KHK: variants seen among roughly 807,000 people sequenced by gnomAD.
The protein encoded by KHK is fructokinase.
In KHK, 37 loss-of-function variants were observed where a neutral mutation model predicts 36.0. The observed-to-expected ratio is 1.03, with a 90% CI of 0.79 to 1.35. The LOEUF (loss-of-function observed/expected upper bound fraction) is 1.35. Ranked by LOEUF, KHK falls within the 40% of genes most tolerant of loss-of-function variation. The pLI is 0.00. For missense variants in KHK, 395 were observed against 391.9 expected, an observed-to-expected ratio of 1.01 and a Z score of -0.07; for synonymous variants, 161 against 162.8, an observed-to-expected ratio of 0.99 and a Z score of 0.08.
chr2:27,091,699 G>A (rs191255912), intron 1 of KHK, among the ~76,000 whole-genome samples: 1 of 152,300 alleles, frequency 6.6e-6, no homozygotes, highest in Admixed American at 6.5e-5. Context: ...TTTTGCTGCT[G>A]ATGACAATGA....
At position 27,097,662 on chromosome 2, in the gene KHK, T is replaced by A. The variant is rs372208764; in HGVS notation, c.564+13T>A. On this transcript the variant is annotated intron_variant, in intron 5 of 7. Coordinates refer to ENST00000260598, the MANE Select transcript of KHK (RefSeq NM_006488.3). Reference sequence around the variant, plus strand: ...CTACGGAGACGTGGTGGGTGCCCCATTCAGCCTCTCTTTGCCACTTCCAGC... The same window carrying A: ...CTACGGAGACGTGGTGGGTGCCCCAATCAGCCTCTCTTTGCCACTTCCAGC... 6.2e-7 allele frequency: 1 copy of A among 1,613,760 alleles called. No individual in the cohort carries two copies. The highest frequency in any genetic ancestry group is 1.1e-5 in the South Asian group (1 of 91,090).
rs751726377 is a variant in KHK, at chr2:27,099,693, C to T, written c.840C>T (p.Phe280=). 8.7e-6 allele frequency: 14 copies of T among 1,613,996 alleles called. No homozygotes were observed. Among genetic ancestry groups the T allele is most frequent in the Middle Eastern group, 1.6e-4 (1 of 6,082 alleles). The change falls in exon 8 of 8, where the codon TTC becomes TTT. Residue 280 remains phenylalanine (F), a synonymous_variant. Coordinates refer to ENST00000260598, the MANE Select transcript of KHK (RefSeq NM_006488.3). ...QGRSVQEALR[F]GCQVAGKKCG... ...GGAGCGTGCAGGAAGCACTGAGATT[C>T]GGGTGCCAGGTGGCCGGCAAGAAGT...
At position 27,097,547 on chromosome 2, in the gene KHK, C is replaced by A; in HGVS notation, c.462C>A (p.Asp154Glu). Residue 154 changes from aspartate (D) to glutamate (E), a missense_variant, in exon 5 of 8, where the codon GAC becomes GAA. Transcript: ENST00000260598. ...AGGTGAAGATGCTGCAGCGGATAGA[C>A]GCACACAACACCAGGCAGCCTCCAG... ...SEQVKMLQRI[D>E]AHNTRQPPEQ... 1 of 1,613,976 alleles carries A rather than the reference C, an allele frequency of 6.2e-7. No individual in the cohort carries two copies.
At chr2:27,097,705 G>T in intron 5 of KHK, 56 bp downstream of exon 5, 1 of 1,610,476 alleles carries the variant, frequency 6.2e-7, no homozygotes, top group East Asian at 2.2e-5. Context: ...GTTCTTAAAG[G>T]GAGCCAGAAT....
rs548115211 is a variant in KHK at position 27,094,928 on chromosome 2, A to C, written c.338A>C (p.His113Pro). ...AATGGCAACCGTACCATTGTGCTCC[A>C]TGACACGTAAGGCCCCCGGGCCTCG... ...NSNGNRTIVL[H>P]DTSLPDVSAT... Residue 113 changes from histidine (H) to proline (P), a missense_variant, in exon 3 of 8, where the codon CAT becomes CCT. Physicochemically the swap from His to Pro is moderately conservative, Grantham distance 77. Coordinates refer to ENST00000260598, the MANE Select transcript of KHK (RefSeq NM_006488.3). 5.2e-5 allele frequency: 84 copies of C among 1,613,902 alleles called. No homozygotes were observed. In the South Asian group the frequency reaches 8.8e-4, roughly 17 times the overall value.
At chr2:27,091,308 C>T (rs545984094) in intron 1 of KHK, among the ~76,000 whole-genome samples, 2 of 151,614 alleles carry the variant, frequency 1.3e-5, no homozygotes, top group South Asian at 4.2e-4. Flanking sequence ...AGGCTGGTCT[C>T]GAACTTCTGG....
At chr2:27,096,643 G>A in intron 3 of KHK, 86 bp from the exon 4 acceptor site, 1 of 1,037,494 alleles carries the variant, frequency 9.6e-7, no homozygotes, top group Non-Finnish European at 1.5e-6. Context: ...TGCAGGCACA[G>A]GGTCCACAGC....
intron 4 of KHK, among the ~76,000 whole-genome samples, 174 bp from the exon 5 acceptor site, chr2:27,097,329 G>A (rs918902324): frequency 1.3e-5 from 2 of 152,202 alleles, no homozygotes; most frequent in Non-Finnish European, 2.9e-5. Context: ...GTAGCTGGTT[G>A]ATAAGGTCTT....
intron 3 of KHK, among the ~76,000 whole-genome samples, chr2:27,096,200 C>A (rs114101122): frequency 2.6e-5 from 4 of 152,210 alleles, no homozygotes; most frequent in Non-Finnish European, 5.9e-5. Flanking sequence ...TTTCCTAAAC[C>A]GGCCAAACAC....
chr2:27,100,758 G>A lies in KHK; in HGVS notation c.*1008G>A, dbSNP rs114062151. The A allele has an allele frequency of 7.0e-4, 822 of 1,167,508 alleles. 4 individuals are homozygous for A. The African/African-American group carries it at 0.011, about 16-fold the overall frequency. The allele number at this position is 1,167,508 out of a possible 1,614,324, so 72.3% of individuals were successfully genotyped here. A position where few individuals can be genotyped will look rare whatever the true frequency, so the allele number is the denominator to read the frequency against. On this transcript the variant is annotated 3_prime_UTR_variant, in exon 8 of 8. Coordinates refer to ENST00000260598, the MANE Select transcript of KHK (RefSeq NM_006488.3). ...TAAAATGCCCAGCATGATGCCTGAT[G>A]TGTACAAGGCTCTCAAAAAGTTCTA... is the stretch of plus-strand genomic sequence containing the variant.
At chr2:27,094,363 C>T in intron 2 of KHK, 1 of 1,224,872 alleles carries the variant, frequency 8.2e-7, no homozygotes, top group South Asian at 1.2e-5. Flanking sequence ...TCTCTCCCAG[C>T]CCCCTTTGCT....
In KHK at chr2:27,099,775, C is replaced by A; in HGVS notation, c.*25C>A. The A allele has an allele frequency of 6.2e-7, 1 of 1,610,680 alleles. No homozygotes were observed. Among genetic ancestry groups the A allele is most frequent in the Non-Finnish European group, 8.5e-7 (1 of 1,178,446 alleles). On this transcript the variant is annotated 3_prime_UTR_variant, in exon 8 of 8. Coordinates refer to ENST00000260598, the MANE Select transcript of KHK (RefSeq NM_006488.3). ...AGAGCAGGTGCCGGCTCCTCACACA[C>A]CATGGAGACTACCATTGCGGCTGCA...
chr2:27,099,208 A>G lies in KHK; in HGVS notation c.577A>G (p.Lys193Glu), dbSNP rs1670616998. ...CCACTGCCCACAGGTGTTTGTCAGC[A>G]AAGATGTGGCCAAGCACTTGGGGTT... ...FGYGDVVFVS[K>E]DVAKHLGFQS... The change falls in exon 6 of 8, where the codon AAA becomes GAA. Residue 193 changes from lysine to glutamate, a missense_variant. By Grantham distance (56) the Lys-to-Glu change is moderately conservative. Coordinates refer to ENST00000260598, the MANE Select transcript of KHK (RefSeq NM_006488.3). 1 of 1,614,148 alleles carries G rather than the reference A, an allele frequency of 6.2e-7. No individual in the cohort carries two copies. Among genetic ancestry groups the G allele is most frequent in the African/African-American group, 1.3e-5 (1 of 75,058 alleles).
chr2:27,095,589 C>T (rs966325949), intron 3 of KHK, among the ~76,000 whole-genome samples: 3 of 152,254 alleles, frequency 2.0e-5, no homozygotes, highest in East Asian at 1.9e-4. Flanking sequence ...TCAAGAGAGG[C>T]CCCATGGGCC....
In KHK at chr2:27,094,810, G is replaced by A. The variant is rs955166007; in HGVS notation, c.220G>A (p.Ala74Thr). 4 of 1,613,924 alleles carry A rather than the reference G, an allele frequency of 2.5e-6. No individual in the cohort carries two copies. Among genetic ancestry groups the A allele is most frequent in the Admixed American group, 3.3e-5 (2 of 60,002 alleles). Residue 74 changes from alanine to threonine, a missense_variant, in exon 3 of 8, where the codon GCC becomes ACC. Ala to Thr is a moderately conservative substitution (Grantham distance 58). Coordinates refer to ENST00000260598, the MANE Select transcript of KHK (RefSeq NM_006488.3). ...GGCCTCCACCCTAAGCTTCCTGGTG[G>A]CCGACTTCAGGCGGCGGGGCGTGGA... ...APGHVADFLV[A>T]DFRRRGVDVS... is the part of the protein sequence containing the mutation.
Position 27,087,159 on chromosome 2 carries a change from C to A in KHK, c.-101C>A. On this transcript the variant is annotated 5_prime_UTR_variant, in exon 1 of 8. Transcript: ENST00000260598. ...GAGGAGCTCCCACGCGGAGGAGGAGCCAGGGCAGCTGGGAGCGGGGACACC... is the reference window on the plus strand; with the variant it reads ...GAGGAGCTCCCACGCGGAGGAGGAGACAGGGCAGCTGGGAGCGGGGACACC... 1 of 1,006,000 alleles carries A rather than the reference C, an allele frequency of 9.9e-7. No individual in the cohort carries two copies. Among genetic ancestry groups the A allele is most frequent in the Non-Finnish European group, 1.5e-6 (1 of 664,454 alleles). 62.3% of individuals were successfully genotyped at this position (1,006,000 alleles called of 1,614,324 possible).
intron 5 of KHK, among the ~76,000 whole-genome samples, chr2:27,098,496 C>A (rs1670546989): frequency 6.7e-6 from 1 of 148,664 alleles, no homozygotes; most frequent in African/African-American, 2.6e-5. Flanking sequence ...AAAAAAAATT[C>A]CTGGCATGGT....
rs761385266 is a variant in KHK, at chr2:27,099,421, G to C, written c.655G>C (p.Ala219Pro). The C allele has an allele frequency of 6.2e-7, 1 of 1,613,858 alleles. No individual in the cohort carries two copies. Among genetic ancestry groups the C allele is most frequent in the South Asian group, 1.1e-5 (1 of 91,084 alleles). ...RGLYGRVRKG[A>P]VLVCAWAEEG... ...CAGCTGAGTGGAGCCGTCTTGCAGG[G>C]CTGTGCTTGTCTGTGCCTGGGCTGA... The change falls in exon 7 of 8, where the codon GCT (alanine) becomes CCT (proline). Residue 219 changes from alanine to proline, a missense_variant and splice_region_variant. Coordinates refer to ENST00000260598, the MANE Select transcript of KHK (RefSeq NM_006488.3).
rs146252182 is a variant in KHK, at chr2:27,094,837, G to A, written c.247G>A (p.Val83Met). The change falls in exon 3 of 8, where the codon GTG becomes ATG. Residue 83 changes from valine to methionine, a missense_variant. Val to Met is a conservative substitution (Grantham distance 21, BLOSUM62 1). Transcript: ENST00000260598. ...CGACTTCAGGCGGCGGGGCGTGGACGTGTCTCAGGTGGCCTGGCAGAGCAA... is the reference window on the plus strand; with the variant it reads ...CGACTTCAGGCGGCGGGGCGTGGACATGTCTCAGGTGGCCTGGCAGAGCAA... ...VADFRRRGVD[V>M]SQVAWQSKGD... 50 of 1,613,912 alleles carry A rather than the reference G, an allele frequency of 3.1e-5. No homozygotes were observed. Among genetic ancestry groups the A allele is most frequent in the Non-Finnish European group, 3.9e-5 (46 of 1,180,048 alleles).
Sources: gnomAD v4.1 joint callset for allele counts (sites outside exome capture counted in the v4.1 genomes callset) on GRCh38, gnomAD v4.1.1 for gene constraint, MANE v1.5 for transcripts, NCBI Gene and HGNC (gene_info 2026-07-23, HGNC 2026-07-21) for gene names.